The following RGSL1 variants were observed in gnomAD, a reference collection of about 807,000 sequenced individuals.
The protein encoded by RGSL1 is regulator of G protein signaling like 1.
RGSL1 carries 97 observed loss-of-function variants against 124.7 expected under a neutral mutation model. That is an observed-to-expected ratio of 0.78 (90% CI 0.66 to 0.92). The LOEUF (loss-of-function observed/expected upper bound fraction) is 0.92. Among genes scored for constraint, RGSL1 ranks in the 40% least tolerant of loss-of-function variants. The pLI, the probability that RGSL1 is intolerant of heterozygous loss-of-function variation, is 0.00. For missense variants in RGSL1, 1,233 were observed against 1,288.4 expected (o/e 0.96, Z 0.66); for synonymous variants, 424 against 438.1 (o/e 0.97, Z 0.40).
intron 9 of RGSL1, among the ~76,000 whole-genome samples, chr1:182,506,199 C>T (rs974044404): frequency 2.6e-5 from 4 of 152,074 alleles, no homozygotes; most frequent in Non-Finnish European, 4.4e-5. Context: ...AATATGTTGA[C>T]ATGAAGTTGT....
chr1:182,457,056 A>G (rs1404001080), intron 2 of RGSL1, among the ~76,000 whole-genome samples: 1 of 152,182 alleles, frequency 6.6e-6, no homozygotes, highest in East Asian at 1.9e-4. Flanking sequence ...CTGAGGTAGG[A>G]GAATCACTTG....
intron 15 of RGSL1, 50 bp downstream of exon 15, chr1:182,540,471 T>G: frequency 1.3e-6 from 2 of 1,504,444 alleles, no homozygotes. Flanking sequence ...CTTTTCATCC[T>G]TAGGACTGCC....
chr1:182,559,594 C>T (rs41448747), intron 21 of RGSL1, among the ~76,000 whole-genome samples: 6,805 of 152,250 alleles, frequency 0.045, 486 homozygotes, highest in African/African-American at 0.15. Context: ...CTGCTCATTT[C>T]CTCAGCGTGA....
Position 182,473,757 on chromosome 1 carries a change from G to A in RGSL1, c.646G>A (p.Glu216Lys), listed in dbSNP as rs573789337. The change falls in exon 6 of 22, where the codon GAG becomes AAG. Residue 216 changes from glutamate (E) to lysine (K), a missense_variant. Glu to Lys is a moderately conservative substitution (Grantham distance 56). Coordinates refer to ENST00000294854, the MANE Select transcript of RGSL1 (RefSeq NM_001137669.2). ...ATGCCATGGTCTGATGCAAGAGTAC[G>A]AGACTCGCTTATACAGCGTTTGCTA... ...EACHGLMQEY[E>K]TRLYSVCYTH... 1.6e-5 allele frequency: 25 copies of A among 1,551,744 alleles called. No homozygotes were observed. Among genetic ancestry groups the A allele is most frequent in the African/African-American group, 2.7e-5 (2 of 73,158 alleles).
At chr1:182,551,523 C>G (rs376988091) in intron 18 of RGSL1, among the ~76,000 whole-genome samples, 2 of 152,198 alleles carry the variant, frequency 1.3e-5, no homozygotes, top group African/African-American at 4.8e-5. Context: ...GCCCCCTGCT[C>G]TATCTCCATT....
At chr1:182,470,682 A>G (rs962895397) in intron 4 of RGSL1, among the ~76,000 whole-genome samples, 2 of 152,144 alleles carry the variant, frequency 1.3e-5, no homozygotes, top group Non-Finnish European at 2.9e-5. Context: ...CCTTCACAAG[A>G]ATATAGATTC....
chr1:182,479,067 A>C (rs1654505090), intron 6 of RGSL1, among the ~76,000 whole-genome samples: 1 of 152,224 alleles, frequency 6.6e-6, no homozygotes, highest in Non-Finnish European at 1.5e-5. Flanking sequence ...TCACCACTAG[A>C]CCTGCCTTAC....
intron 14 of RGSL1, among the ~76,000 whole-genome samples, chr1:182,534,535 T>C (rs1420927875): frequency 6.6e-6 from 1 of 152,220 alleles, no homozygotes; most frequent in Non-Finnish European, 1.5e-5. Context: ...GCTTCAATAA[T>C]AGTTCTAGCA....
At position 182,473,747 on chromosome 1, in the gene RGSL1, G is replaced by A. The variant is rs1405715372; in HGVS notation, c.636G>A (p.Met212Ile). The stretch of plus-strand genomic sequence containing the variant: ...AGGAGGAAGCATGCCATGGTCTGAT[G>A]CAAGAGTACGAGACTCGCTTATACA... Reference protein sequence around the residue: ...MAKEEACHGLMQEYETRLYSV... With the variant: ...MAKEEACHGLIQEYETRLYSV... Residue 212 changes from methionine to isoleucine, a missense_variant, in exon 6 of 22, where the codon ATG (methionine) becomes ATA (isoleucine). Coordinates refer to ENST00000294854, the MANE Select transcript of RGSL1 (RefSeq NM_001137669.2). 2 of 1,551,650 alleles carry A rather than the reference G, an allele frequency of 1.3e-6. No individual in the cohort carries two copies. The highest frequency in any genetic ancestry group is 1.7e-6 in the Non-Finnish European group (2 of 1,146,996).
At chr1:182,557,588 A>C (rs567711239) in intron 21 of RGSL1, among the ~76,000 whole-genome samples, 2 of 152,310 alleles carry the variant, frequency 1.3e-5, no homozygotes, top group East Asian at 3.9e-4. Flanking sequence ...CACTTAAGGA[A>C]AAGAAAGGTA....
chr1:182,512,001 T>C (rs989901554), intron 9 of RGSL1, among the ~76,000 whole-genome samples: 11 of 152,180 alleles, frequency 7.2e-5, no homozygotes, highest in African/African-American at 2.7e-4. Flanking sequence ...TTGTAGCTAT[T>C]ATAAATGGGA....
At chr1:182,537,309 T>C (rs1041689078) in intron 14 of RGSL1, among the ~76,000 whole-genome samples, 1 of 152,338 alleles carries the variant, frequency 6.6e-6, no homozygotes, top group African/African-American at 2.4e-5. Flanking sequence ...TAAGTCTATA[T>C]GTATAAGGAG....
chr1:182,512,008 G>A (rs181744999), intron 9 of RGSL1, among the ~76,000 whole-genome samples: 56 of 152,078 alleles, frequency 3.7e-4, no homozygotes, highest in East Asian at 9.7e-4. Context: ...TATTATAAAT[G>A]GGATTCCTTT....
chr1:182,525,380 G>C (rs2765274), intron 10 of RGSL1, among the ~76,000 whole-genome samples: 131,468 of 152,084 alleles, frequency 0.86, 57,146 homozygotes, highest in Non-Finnish European at 0.89. Context: ...AAAATCATGT[G>C]TAAAGAATTA....
intron 6 of RGSL1, among the ~76,000 whole-genome samples, chr1:182,479,407 A>G (rs975264677): frequency 7.9e-5 from 12 of 152,198 alleles, no homozygotes; most frequent in Admixed American, 3.3e-4. Context: ...GCTTAAAGCA[A>G]TTTAAGTTAA....
intron 4 of RGSL1, among the ~76,000 whole-genome samples, chr1:182,464,550 C>G (rs1312136324): frequency 1.3e-5 from 2 of 151,870 alleles, no homozygotes; most frequent in African/African-American, 4.8e-5. Context: ...ATGGTGAAAA[C>G]CTGTCTCTAC....
chr1:182,533,466 G>T (rs574697871), intron 14 of RGSL1, among the ~76,000 whole-genome samples: 1 of 131,764 alleles, frequency 7.6e-6, no homozygotes, highest in South Asian at 2.2e-4. Flanking sequence ...CTACTATGAG[G>T]CAAGCAGTTT....
intron 21 of RGSL1, 66 bp downstream of exon 21, chr1:182,556,288 C>A: frequency 2.0e-6 from 1 of 506,708 alleles, no homozygotes; most frequent in South Asian, 3.0e-5. Flanking sequence ...GTCAGGAGAC[C>A]TGGGCTCTAG....
chr1:182,540,227 C>T lies in RGSL1; in HGVS notation c.2495-20C>T. On this transcript the variant is annotated intron_variant, in intron 14 of 21. Coordinates refer to ENST00000294854, the MANE Select transcript of RGSL1 (RefSeq NM_001137669.2). The stretch of plus-strand genomic sequence containing the variant: ...GACTTGATCAAACAAAATTGTAATT[C>T]CTTCTTCTTTCTCTCTCAGATTTCA... 1 of 1,525,270 alleles carries T rather than the reference C, an allele frequency of 6.6e-7. No individual in the cohort carries two copies. The highest frequency in any genetic ancestry group is 2.5e-5 in the East Asian group (1 of 39,894). The allele number at this position is 1,525,270 out of a possible 1,614,324, so 94.5% of individuals were successfully genotyped here.
Sources: gnomAD v4.1 joint callset for allele counts (sites outside exome capture counted in the v4.1 genomes callset) on GRCh38, gnomAD v4.1.1 for gene constraint, MANE v1.5 for transcripts, NCBI Gene and HGNC (gene_info 2026-07-23, HGNC 2026-07-21) for gene names.